Variants in PHF8 observed in about 807,000 individuals in gnomAD.
PHF8 encodes the protein PHD finger protein 8, also known as histone lysine demethylase PHF8.
In PHF8, 9 loss-of-function variants were observed where a neutral mutation model predicts 74.4. The observed-to-expected ratio is 0.12, with a 90% CI of 0.07 to 0.21. The LOEUF (loss-of-function observed/expected upper bound fraction) is 0.21. PHF8 is among the 10% of genes least tolerant of loss of function. The pLI is 1.00. For missense variants in PHF8, 478 were observed against 816.6 expected (o/e 0.59, Z 5.05); for synonymous variants, 311 against 316.6 (o/e 0.98, Z 0.19).
chrX:53,950,622 G>A (rs1426450433), intron 19 of PHF8, among the ~76,000 whole-genome samples: 4 of 112,180 alleles, frequency 3.6e-5, no homozygotes, highest in Non-Finnish European at 7.5e-5. Context: ...AGCAAGCACT[G>A]GGAGCACTCA....
At chrX:53,952,648 C>T (rs2064943446) in intron 19 of PHF8, among the ~76,000 whole-genome samples, 1 of 110,637 alleles carries the variant, frequency 9.0e-6, no homozygotes, top group Non-Finnish European at 1.9e-5. Context: ...CTTTGGGAGG[C>T]TGAGGCGGGC....
chrX:53,979,428 C>T (rs782362142), intron 18 of PHF8, among the ~76,000 whole-genome samples: 45 of 111,329 alleles, frequency 4.0e-4, no homozygotes, highest in African/African-American at 1.4e-3. Flanking sequence ...AACGCTTTAC[C>T]AAAAAGCAGA....
At chrX:54,027,028 C>T in intron 2 of PHF8, among the ~76,000 whole-genome samples, 1 of 111,532 alleles carries the variant, frequency 9.0e-6, no homozygotes, top group Non-Finnish European at 1.9e-5. Context: ...CTACCTCCTT[C>T]TACACCCATC....
intron 18 of PHF8, among the ~76,000 whole-genome samples, chrX:53,969,159 C>T (rs1366333112): frequency 3.6e-5 from 4 of 110,252 alleles, no homozygotes; most frequent in African/African-American, 6.6e-5. Context: ...CACTTGAATC[C>T]GGGGGACAAA....
At chrX:53,948,761 C>T (rs782271472) in intron 19 of PHF8, among the ~76,000 whole-genome samples, 2 of 111,191 alleles carry the variant, frequency 1.8e-5, no homozygotes, top group South Asian at 7.7e-4. Context: ...CGGTGGCTCA[C>T]GCCTGTAATC....
Position 53,937,920 on chromosome X carries a change from T to A in PHF8, c.*1238A>T. 1 of 998,456 alleles carries A rather than the reference T, an allele frequency of 1.0e-6. No homozygotes were observed. The highest frequency in any genetic ancestry group is 3.3e-5 in the East Asian group (1 of 29,876). 82.3% of individuals were successfully genotyped at this position (998,456 alleles called of 1,213,427 possible). A position where few individuals can be genotyped will look rare whatever the true frequency, so the allele number is the denominator to read the frequency against. On this transcript the variant is annotated 3_prime_UTR_variant, in exon 22 of 22. Transcript: ENST00000338154. ...GGAGGTGGGGGCACTGTCTGGACAA[T>A]GGAGACAATCCACGAAGGAAGGACA...
intron 1 of PHF8, chrX:54,043,042 A>G: frequency 3.3e-6 from 1 of 303,226 alleles, no homozygotes; most frequent in Non-Finnish European, 5.0e-6. Context: ...CACACTCTCC[A>G]CTCCCCACCC....
intron 10 of PHF8, 133 bp downstream of exon 10, chrX:54,002,022 T>C: frequency 2.0e-6 from 1 of 502,073 alleles, no homozygotes; most frequent in Non-Finnish European, 3.6e-6. Context: ...CACAACATGA[T>C]TTTAATTTAT....
intron 2 of PHF8, 52 bp from the exon 3 acceptor site, chrX:54,022,895 G>T (rs1557110415): frequency 1.4e-6 from 1 of 721,273 alleles, no homozygotes. Flanking sequence ...TTTTTATGAG[G>T]TCTAGAACAG....
At chrX:53,994,473 ATTCAAAGCAGTTATGCTTTGAATATT>A (rs1301202819) in intron 12 of PHF8, among the ~76,000 whole-genome samples, 2 of 112,699 alleles carry the variant, frequency 1.8e-5, no homozygotes, top group Admixed American at 1.9e-4. Flanking sequence ...CCTTCATCTT[ATTCAAAGCAGTTATGCTTTGAATATT>A]GGGCTTCCAC....
At chrX:53,958,951 T>C (rs1557089815) in intron 19 of PHF8, among the ~76,000 whole-genome samples, 4 of 110,107 alleles carry the variant, frequency 3.6e-5, no homozygotes, top group African/African-American at 1.3e-4. Context: ...GATATAAACA[T>C]TTACATATAA....
At chrX:54,024,865 T>A (rs1392176395) in intron 2 of PHF8, among the ~76,000 whole-genome samples, 1 of 111,913 alleles carries the variant, frequency 8.9e-6, no homozygotes, top group Non-Finnish European at 1.9e-5. Flanking sequence ...ATACCATTTT[T>A]TTAAATTTTT....
chrX:53,961,110 T>C (rs2065097799), intron 19 of PHF8, among the ~76,000 whole-genome samples: 2 of 105,592 alleles, frequency 1.9e-5, no homozygotes, highest in Non-Finnish European at 3.9e-5. Flanking sequence ...CAACCTCCGC[T>C]TTCCGAGGTT....
chrX:53,982,941 C>A (rs184980613), intron 18 of PHF8, among the ~76,000 whole-genome samples: 1 of 112,158 alleles, frequency 8.9e-6, no homozygotes, highest in Admixed American at 9.4e-5. Flanking sequence ...CGCCTATAAT[C>A]CCAGCACTTT....
At chrX:53,953,285 A>C (rs2064957178) in intron 19 of PHF8, among the ~76,000 whole-genome samples, 1 of 103,687 alleles carries the variant, frequency 9.6e-6, no homozygotes, top group African/African-American at 3.5e-5. Context: ...AAAAAAAAAA[A>C]ACAAAACAAC....
At chrX:54,039,779 C>T (rs983139193) in intron 2 of PHF8, 6 of 112,208 alleles carry the variant, frequency 5.3e-5, no homozygotes, top group Non-Finnish European at 1.9e-5. Context: ...AAGGAAATTA[C>T]CAAATTAACC....
In PHF8 at chrX:53,962,936, T is replaced by C; in HGVS notation, c.2447A>G (p.Tyr816Cys). ...ATCATCATCAGACTCCAGTGAAGGA[T>C]AGACTGCAGGGAGAAGGGAAAACAG... ...GACFKDAEYI[Y>C]PSLESDDDDP... The change falls in exon 19 of 22, where the codon TAT becomes TGT. Residue 816 changes from tyrosine (Y) to cysteine (C), a missense_variant. Tyr to Cys is a radical substitution (Grantham distance 194, BLOSUM62 -2). Transcript: ENST00000338154. 8.8e-7 allele frequency: 1 copy of C among 1,142,642 alleles called. No homozygotes were observed. The highest frequency in any genetic ancestry group is 1.2e-6 in the Non-Finnish European group (1 of 832,725). 94.2% of individuals were successfully genotyped at this position (1,142,642 alleles called of 1,213,427 possible).
intron 2 of PHF8, among the ~76,000 whole-genome samples, chrX:54,025,304 C>T (rs2066250454): frequency 9.0e-6 from 1 of 111,053 alleles, no homozygotes; most frequent in African/African-American, 3.3e-5. Context: ...GTGCTAGAGC[C>T]CTTATAGCTG....
Position 53,956,857 on chromosome X carries a change from C to CA in PHF8, c.2539+5986dup, listed in dbSNP as rs781912652. Among the ~76,000 whole-genome samples, 40 of 110,870 alleles carry CA rather than the reference C, an allele frequency of 3.6e-4. No homozygotes were observed. The East Asian group carries it at 9.3e-3, about 26-fold the overall frequency. ...ATAAAACATAGAGGCTATGCTTAATCAAAAAAATGTAAATTAAATCAATGA... is the reference window on the plus strand; with the variant it reads ...ATAAAACATAGAGGCTATGCTTAATCAAAAAAAATGTAAATTAAATCAATGA... On this transcript the variant is annotated intron_variant, in intron 19 of 21. Coordinates refer to ENST00000338154, the MANE Select transcript of PHF8 (RefSeq NM_015107.3).
Sources: allele counts gnomAD v4.1 joint callset (sites outside exome capture counted in the v4.1 genomes callset), GRCh38; gene constraint gnomAD v4.1.1; transcripts MANE v1.5; gene names NCBI Gene and HGNC (gene_info 2026-07-23, HGNC 2026-07-21).